Variants in DENND4A observed in about 807,000 individuals in gnomAD.
The protein encoded by DENND4A is C-myc promoter-binding protein.
In DENND4A, 70 loss-of-function variants were observed where a neutral mutation model predicts 199.3. The observed-to-expected ratio is 0.35, with a 90% CI of 0.29 to 0.43. The LOEUF is 0.43. DENND4A is among the 20% of genes least tolerant of loss of function. DENND4A has a pLI of 1.00. For missense variants in DENND4A, 1,723 were observed against 2,255.8 expected (o/e 0.76, Z 4.78); for synonymous variants, 686 against 766.9 (o/e 0.89, Z 1.74).
At chr15:65,733,753 G>A (rs554711266) in intron 7 of DENND4A, among the ~76,000 whole-genome samples, 6 of 152,280 alleles carry the variant, frequency 3.9e-5, no homozygotes, top group Middle Eastern at 3.4e-3. Flanking sequence ...AAATTCTTCT[G>A]CCTTGAGATT....
chr15:65,747,905 T>C (rs1210048171), intron 4 of DENND4A, among the ~76,000 whole-genome samples: 1 of 151,486 alleles, frequency 6.6e-6, no homozygotes, highest in East Asian at 1.9e-4. Context: ...TCAGGCGTGG[T>C]GGCGCGCGCC....
intron 12 of DENND4A, among the ~76,000 whole-genome samples, chr15:65,720,805 C>T (rs7166453): frequency 0.56 from 84,678 of 150,674 alleles, 26,202 homozygotes; most frequent in African/African-American, 0.83. Flanking sequence ...ATTCTCATAG[C>T]TGTAACGTAA....
intron 23 of DENND4A, among the ~76,000 whole-genome samples, chr15:65,679,394 C>A (rs1296805724): frequency 6.6e-6 from 1 of 152,184 alleles, no homozygotes; most frequent in Non-Finnish European, 1.5e-5. Context: ...AGCCACCACA[C>A]CTGGCCCGAT....
chr15:65,728,291 C>A (rs901571314), intron 11 of DENND4A, among the ~76,000 whole-genome samples: 3 of 151,994 alleles, frequency 2.0e-5, no homozygotes, highest in Non-Finnish European at 4.4e-5. Flanking sequence ...GCGTCAGCCA[C>A]CACGCCCAGT....
At chr15:65,666,051 G>A (rs1030488688) in intron 29 of DENND4A, among the ~76,000 whole-genome samples, 3 of 152,174 alleles carry the variant, frequency 2.0e-5, no homozygotes, top group African/African-American at 7.2e-5. Context: ...GGAATGACGA[G>A]AGTGGTAGCA....
chr15:65,726,520 T>C (rs933424099), intron 11 of DENND4A, among the ~76,000 whole-genome samples: 1 of 152,202 alleles, frequency 6.6e-6, no homozygotes, highest in Non-Finnish European at 1.5e-5. Flanking sequence ...GCATAAAATA[T>C]ATTTCATATT....
chr15:65,701,735 C>G (rs773059637), intron 18 of DENND4A, 27 bp downstream of exon 18: 5 of 1,605,078 alleles, frequency 3.1e-6, no homozygotes, highest in Non-Finnish European at 4.3e-6. Context: ...AAGTAATACT[C>G]TTTATCCATT....
intron 11 of DENND4A, 37 bp from the exon 12 acceptor site, chr15:65,722,985 T>C (rs1291535906): frequency 2.0e-6 from 3 of 1,521,802 alleles, no homozygotes; most frequent in African/African-American, 1.4e-5. Context: ...ATTTGTTACA[T>C]GGTCTTTTGG....
chr15:65,722,397 G>A (rs966567133), intron 12 of DENND4A, among the ~76,000 whole-genome samples: 1 of 152,064 alleles, frequency 6.6e-6, no homozygotes, highest in Non-Finnish European at 1.5e-5. Context: ...GAGCCCAGGA[G>A]GTCAAGGCTG....
At chr15:65,739,849 G>A (rs1377960715) in intron 5 of DENND4A, among the ~76,000 whole-genome samples, 1 of 152,126 alleles carries the variant, frequency 6.6e-6, no homozygotes, top group Non-Finnish European at 1.5e-5. Flanking sequence ...CTCAGGTCAT[G>A]AGGTAATTAA....
chr15:65,747,692 C>T (rs7180542), intron 4 of DENND4A, among the ~76,000 whole-genome samples: 37,530 of 151,778 alleles, frequency 0.25, 5,690 homozygotes, highest in East Asian at 0.74. Flanking sequence ...CTTTTTGCTT[C>T]ATCTTAACCC....
intron 1 of DENND4A, among the ~76,000 whole-genome samples, chr15:65,779,672 A>C (rs1263803757): frequency 2.0e-5 from 3 of 150,096 alleles, no homozygotes; most frequent in African/African-American, 7.5e-5. Flanking sequence ...GTTTTCGAGA[A>C]AGAGTCTCAC....
At chr15:65,732,848 C>CA in intron 7 of DENND4A, 30 bp from the exon 8 acceptor site, 1 of 1,351,594 alleles carries the variant, frequency 7.4e-7, no homozygotes, top group Admixed American at 1.8e-5. Context: ...GTAAGTGATT[C>CA]CAAAGTGAAC....
intron 1 of DENND4A, among the ~76,000 whole-genome samples, chr15:65,763,022 T>G (rs1359102887): frequency 2.0e-5 from 3 of 152,092 alleles, no homozygotes; most frequent in Non-Finnish European, 4.4e-5. Flanking sequence ...ATTAAGTAAT[T>G]TAGTAACTTG....
At chr15:65,665,798 T>A (rs1306821771) in intron 29 of DENND4A, among the ~76,000 whole-genome samples, 1 of 152,160 alleles carries the variant, frequency 6.6e-6, no homozygotes, top group Non-Finnish European at 1.5e-5. Context: ...CTGGCCCAGA[T>A]AACGCTGAGT....
chr15:65,724,335 C>T (rs2075737677), intron 11 of DENND4A, among the ~76,000 whole-genome samples: 2 of 151,468 alleles, frequency 1.3e-5, no homozygotes, highest in Admixed American at 6.6e-5. Context: ...GTTAGGATTA[C>T]AGGCAAAAGG....
Position 65,702,451 on chromosome 15 carries a change from T to G in DENND4A, c.2284A>C (p.Arg762=), listed in dbSNP as rs956181931. ...CCATAACAGTGGCGCAGTAGACACC[T>G]AGACCACATCTGAGGGATGGAAGAG... ...RYSSIPQMWS[R]CLLRHCYGLW... The change falls in exon 17 of 33, where the codon AGG becomes CGG. Residue 762 remains arginine, a synonymous_variant. Coordinates refer to ENST00000443035, the MANE Select transcript of DENND4A (RefSeq NM_001320835.1). The G allele has an allele frequency of 6.3e-7, 1 of 1,597,852 alleles. No individual in the cohort carries two copies.
At position 65,732,831 on chromosome 15, in the gene DENND4A, C is replaced by G. The variant is rs1234761944; in HGVS notation, c.1041-13G>C. 2.0e-6 allele frequency: 3 copies of G among 1,535,464 alleles called. No homozygotes were observed. In the Admixed American group the frequency reaches 5.1e-5, roughly 26 times the overall value. ...ATGAGAAATATGCCTTGAAAACAAA[C>G]AAAAGTGTAAGTGATTCCAAAGTGA... On this transcript the variant is annotated splice_polypyrimidine_tract_variant and intron_variant, in intron 7 of 32. Transcript: ENST00000443035.
chr15:65,693,119 C>T (rs62014390), intron 22 of DENND4A, among the ~76,000 whole-genome samples: 9,243 of 152,220 alleles, frequency 0.061, 291 homozygotes, highest in African/African-American at 0.084. Flanking sequence ...CTAAATTACA[C>T]ATGCTAGGCT....
Sources: gnomAD v4.1 joint callset for allele counts (sites outside exome capture counted in the v4.1 genomes callset) on GRCh38, gnomAD v4.1.1 for gene constraint, MANE v1.5 for transcripts, NCBI Gene and HGNC (gene_info 2026-07-23, HGNC 2026-07-21) for gene names.